The following RTN1 variants were observed in gnomAD, a reference collection of about 807,000 sequenced individuals.
The protein encoded by RTN1 is reticulon-1.
In RTN1, 25 loss-of-function variants were observed where a neutral mutation model predicts 65.5. The observed-to-expected ratio is 0.38, with a 90% CI of 0.28 to 0.53. RTN1 has a LOEUF of 0.53. RTN1 is among the 20% of genes least tolerant of loss of function. RTN1 has a pLI of 0.79. For missense variants in RTN1, 983 were observed against 1,025.4 expected, an observed-to-expected ratio of 0.96 and a Z score of 0.57; for synonymous variants, 471 against 447.6, an observed-to-expected ratio of 1.05 and a Z score of -0.66.
At chr14:59,740,420 T>C (rs1885093928) in intron 2 of RTN1, among the ~76,000 whole-genome samples, 1 of 152,232 alleles carries the variant, frequency 6.6e-6, no homozygotes, top group South Asian at 2.1e-4. Flanking sequence ...GACACTCAGT[T>C]ACATTTGACT....
At chr14:59,747,719 C>T (rs1364932311) in intron 1 of RTN1, among the ~76,000 whole-genome samples, 3 of 152,158 alleles carry the variant, frequency 2.0e-5, no homozygotes, top group Admixed American at 1.3e-4. Flanking sequence ...TACATTGAGG[C>T]GTCACTATAT....
intron 1 of RTN1, among the ~76,000 whole-genome samples, chr14:59,780,071 A>G (rs972335382): frequency 1.3e-5 from 2 of 152,190 alleles, no homozygotes; most frequent in African/African-American, 4.8e-5. Context: ...TCCCTCATTT[A>G]CCACTGTGCC....
At chr14:59,624,433 C>G (rs763424956) in intron 3 of RTN1, among the ~76,000 whole-genome samples, 10 of 151,788 alleles carry the variant, frequency 6.6e-5, no homozygotes, top group Non-Finnish European at 1.2e-4. Context: ...TATAAGGCAG[C>G]CATATTTCTT....
intron 3 of RTN1, among the ~76,000 whole-genome samples, chr14:59,655,462 G>T (rs1173813441): frequency 6.6e-6 from 1 of 152,164 alleles, no homozygotes; most frequent in African/African-American, 2.4e-5. Context: ...TTCAGAAATT[G>T]ACAACGGGAT....
At chr14:59,663,677 G>C (rs564311783) in intron 3 of RTN1, among the ~76,000 whole-genome samples, 22 of 151,520 alleles carry the variant, frequency 1.5e-4, no homozygotes, top group Non-Finnish European at 8.8e-5. Context: ...GATATGAACA[G>C]ACACTTCTCA....
chr14:59,870,404 T>G lies in RTN1; in HGVS notation c.227A>C (p.Glu76Ala), dbSNP rs781596672. The stretch of plus-strand genomic sequence containing the variant: ...GCCCGCCTTACCTGTGGATGCAGTT[T>G]CCATGGCAACGGGCGACTGCCGGGC... ...GPARQSPVAM[E>A]TASTGVAGVS... Residue 76 changes from glutamate (E) to alanine (A), a missense_variant, in exon 1 of 9, where the codon GAA becomes GCA. Physicochemically the swap from Glu to Ala is moderately radical, Grantham distance 107. This residue lies in a region of RTN1 where 818 missense variants were observed against 801.8 expected (regional missense o/e 1.02). Transcript: ENST00000267484. The surrounding 1 kb of genome is among the most constrained non-coding windows in gnomAD (Gnocchi z 5.1). 3.9e-6 allele frequency: 6 copies of G among 1,525,820 alleles called. No homozygotes were observed. In the African/African-American group the frequency reaches 7.2e-5, roughly 18 times the overall value. The allele number at this position is 1,525,820 out of a possible 1,614,324, so 94.5% of individuals were successfully genotyped here. A position where few individuals can be genotyped will look rare whatever the true frequency, so the allele number is the denominator to read the frequency against.
At position 59,849,298 on chromosome 14, in the gene RTN1, C is replaced by T. The variant is rs1028583977; in HGVS notation, c.241+21092G>A. 5.3e-5 allele frequency among the ~76,000 whole-genome samples: 8 copies of T among 152,156 alleles called. No homozygotes were observed. Among genetic ancestry groups the T allele is most frequent in the African/African-American group, 1.9e-4 (8 of 41,436 alleles). Reference sequence around the variant, plus strand: ...CAACTTCTTTCTCTTTTATCTATTTCCTCTCTTTTCCTTAACTACTCCCTG... The same window carrying T: ...CAACTTCTTTCTCTTTTATCTATTTTCTCTCTTTTCCTTAACTACTCCCTG... On this transcript the variant is annotated intron_variant, in intron 1 of 8. Transcript: ENST00000267484. This position sits in a 1 kb window ranked among gnomAD's most constrained non-coding sequence, Gnocchi z 4.5.
In RTN1 at chr14:59,794,235, C is replaced by A. The variant is rs986994053; in HGVS notation, c.242-47754G>T. 3.3e-5 allele frequency among the ~76,000 whole-genome samples: 5 copies of A among 152,182 alleles called. No homozygotes were observed. Among genetic ancestry groups the A allele is most frequent in the African/African-American group, 1.2e-4 (5 of 41,430 alleles). ...TAAAATTGTTCCAGTTGAAATTAAA[C>A]CCTCTTTAATCACTGGTTGAAGAAC... is the stretch of plus-strand genomic sequence containing the variant. On this transcript the variant is annotated intron_variant, in intron 1 of 8. Coordinates refer to ENST00000267484, the MANE Select transcript of RTN1 (RefSeq NM_021136.3). The surrounding 1 kb of genome is among the most constrained non-coding windows in gnomAD (Gnocchi z 5.1).
intron 2 of RTN1, among the ~76,000 whole-genome samples, chr14:59,736,697 T>C (rs1337630057): frequency 6.6e-6 from 1 of 152,186 alleles, no homozygotes; most frequent in East Asian, 1.9e-4. Flanking sequence ...ATCATCCTGA[T>C]ACCAAAACCT....
intron 3 of RTN1, among the ~76,000 whole-genome samples, chr14:59,696,938 G>T (rs537822064): frequency 6.6e-6 from 1 of 152,132 alleles, no homozygotes; most frequent in African/African-American, 2.4e-5. Context: ...TTTAAATGTA[G>T]TCAGCCATTC....
intron 3 of RTN1, chr14:59,630,673 C>A (rs1433871325): frequency 2.2e-5 from 26 of 1,191,334 alleles, no homozygotes; most frequent in Non-Finnish European, 2.7e-5. Context: ...TCGCTGGCGC[C>A]GCAGTCTGCG....
chr14:59,783,913 CAAAA>C (rs35470675), intron 1 of RTN1, among the ~76,000 whole-genome samples: 12 of 104,214 alleles, frequency 1.2e-4, no homozygotes, highest in Admixed American at 3.8e-4. Context: ...AATCTGGGGG[CAAAA>C]AAAAAAAAAA....
chr14:59,851,855 C>CAAAAAAAAAAAAAAAAAAAATAA, intron 1 of RTN1, among the ~76,000 whole-genome samples: 1 of 88,198 alleles, frequency 1.1e-5, no homozygotes, highest in Non-Finnish European at 2.3e-5. Flanking sequence ...GACACAGTCT[C>CAAAAAAAAAAAAAAAAAAAATAA]AAAAAAAAAA....
intron 3 of RTN1, among the ~76,000 whole-genome samples, chr14:59,672,792 C>T (rs1164473302): frequency 6.7e-6 from 1 of 150,266 alleles, no homozygotes; most frequent in African/African-American, 2.4e-5. Flanking sequence ...AGGCGCCCGC[C>T]ACCGCGCCTG....
chr14:59,665,428 G>A (rs980385367), intron 3 of RTN1, among the ~76,000 whole-genome samples: 6 of 152,084 alleles, frequency 3.9e-5, no homozygotes, highest in African/African-American at 1.4e-4. Flanking sequence ...CCTTACAAGA[G>A]CTCCTGAAGG....
intron 1 of RTN1, among the ~76,000 whole-genome samples, chr14:59,760,896 A>G (rs563379905): frequency 5.7e-4 from 87 of 152,336 alleles, no homozygotes; most frequent in African/African-American, 2.1e-3. Context: ...TCCCTCTAAA[A>G]TCTGACCTGG....
At chr14:59,768,848 A>G (rs1885899528) in intron 1 of RTN1, among the ~76,000 whole-genome samples, 1 of 152,158 alleles carries the variant, frequency 6.6e-6, no homozygotes, top group African/African-American at 2.4e-5. Flanking sequence ...CTTTAAAATG[A>G]CCCTATAAGA....
At chr14:59,830,082 T>C (rs1887099328) in intron 1 of RTN1, among the ~76,000 whole-genome samples, 1 of 152,206 alleles carries the variant, frequency 6.6e-6, no homozygotes, top group African/African-American at 2.4e-5. Context: ...AACTGGTTAG[T>C]TGTGGAATAA....
chr14:59,656,637 A>C (rs1883128346), intron 3 of RTN1, among the ~76,000 whole-genome samples: 1 of 152,184 alleles, frequency 6.6e-6, no homozygotes, highest in Non-Finnish European at 1.5e-5. Flanking sequence ...TCAGCCTCTG[A>C]TCACAGTACA....
Sources: gnomAD v4.1 joint callset for allele counts (sites outside exome capture counted in the v4.1 genomes callset) on GRCh38, gnomAD v4.1.1 for gene constraint, gnomAD v4.1.1 regional missense constraint, Gnocchi (gnomAD v3.1) non-coding constraint, MANE v1.5 for transcripts, NCBI Gene and HGNC (gene_info 2026-07-23, HGNC 2026-07-21) for gene names.